MAGI1: variants seen among roughly 807,000 people sequenced by gnomAD.
MAGI1 encodes the protein membrane associated guanylate kinase, WW and PDZ domain containing 1.
A neutral mutation model predicts 139.9 loss-of-function variants in MAGI1; 58 were observed. The ratio of observed to expected loss-of-function variants is 0.41; its 90% CI spans 0.34 to 0.52. The LOEUF is 0.52. Among genes scored for constraint, MAGI1 ranks in the 20% least tolerant of loss-of-function variants. The pLI, the probability that MAGI1 is intolerant of heterozygous loss-of-function variation, is 0.12. For synonymous variants in MAGI1, 812 were observed against 737.9 expected, an observed-to-expected ratio of 1.10 and a Z score of -1.63; for missense variants, 1,874 against 1,901.6, an observed-to-expected ratio of 0.99 and a Z score of 0.27.
At position 65,583,912 on chromosome 3, in the gene MAGI1, A is replaced by G. The variant is rs554171656; in HGVS notation, c.430+38060T>C. ...GACTGTGACCTCTACTAGTCTTTCA[A>G]AGGTGAAACAGATCACAAGAATATG... is the stretch of plus-strand genomic sequence containing the variant. On this transcript the variant is annotated intron_variant, in intron 2 of 22. Transcript: ENST00000402939. 2.6e-5 allele frequency among the ~76,000 whole-genome samples: 4 copies of G among 152,216 alleles called. No individual in the cohort carries two copies. In the South Asian group the frequency reaches 8.3e-4, roughly 32 times the overall value.
At chr3:65,654,275 T>C (rs2085742072) in intron 1 of MAGI1, among the ~76,000 whole-genome samples, 2 of 152,214 alleles carry the variant, frequency 1.3e-5, no homozygotes, top group Admixed American at 1.3e-4. Flanking sequence ...TGTTGTCATT[T>C]GATGCTTTCA....
intron 1 of MAGI1, among the ~76,000 whole-genome samples, chr3:65,733,766 G>A (rs1298152755): frequency 6.6e-6 from 1 of 152,162 alleles, no homozygotes; most frequent in East Asian, 1.9e-4. Flanking sequence ...CAACCATCTA[G>A]GATATTTCTT....
At chr3:65,971,530 C>T (rs997654948) in intron 1 of MAGI1, among the ~76,000 whole-genome samples, 3 of 152,186 alleles carry the variant, frequency 2.0e-5, no homozygotes, top group African/African-American at 7.2e-5. Flanking sequence ...CAGCCAACAT[C>T]TTCTACTGTC....
chr3:65,573,535 T>C (rs1357842095), intron 2 of MAGI1, among the ~76,000 whole-genome samples: 1 of 149,460 alleles, frequency 6.7e-6, no homozygotes, highest in Non-Finnish European at 1.5e-5. Context: ...CATTTATTGC[T>C]GATTTAAAAA....
At chr3:65,678,205 A>G (rs1489398675) in intron 1 of MAGI1, among the ~76,000 whole-genome samples, 2 of 152,140 alleles carry the variant, frequency 1.3e-5, no homozygotes, top group African/African-American at 4.8e-5. Context: ...TAGCATTAGG[A>G]GAAATACCTA....
chr3:65,696,478 A>C (rs1302726532), intron 1 of MAGI1, among the ~76,000 whole-genome samples: 4 of 152,146 alleles, frequency 2.6e-5, no homozygotes, highest in Non-Finnish European at 5.9e-5. Context: ...GTTGATACAT[A>C]AGGAGTCCCC....
At chr3:65,430,233 G>A (rs1947352763) in intron 11 of MAGI1, 93 bp from the exon 12 acceptor site, 1 of 1,261,824 alleles carries the variant, frequency 7.9e-7, no homozygotes, top group African/African-American at 1.5e-5. Flanking sequence ...AAGCTGAACT[G>A]AAACTGCATG....
chr3:65,684,614 G>GA (rs1307322031), intron 1 of MAGI1, among the ~76,000 whole-genome samples: 1 of 152,022 alleles, frequency 6.6e-6, no homozygotes, highest in Non-Finnish European at 1.5e-5. Flanking sequence ...CTACATGGGT[G>GA]AAAAAATTGT....
rs1251728035 is a variant in MAGI1, at chr3:65,356,405, T to C, written c.4362A>G (p.Lys1454=). The C allele has an allele frequency of 6.2e-7, 1 of 1,602,460 alleles. No individual in the cohort carries two copies. Among genetic ancestry groups the C allele is most frequent in the Non-Finnish European group, 8.5e-7 (1 of 1,176,300 alleles). Residue 1454 remains lysine, a synonymous_variant, in exon 23 of 23, where the codon AAA becomes AAG. Transcript: ENST00000402939. The stretch of plus-strand genomic sequence containing the variant: ...AGATACTGAGGTCGGTGCTACATTC[T>C]TTGTAAGGTCGCCTTCTCTGCTCCG... The part of the protein sequence containing the change: ...HPPEQRRRPY[K]ECSTDLSI
intron 1 of MAGI1, among the ~76,000 whole-genome samples, chr3:65,921,300 T>G (rs1392133930): frequency 6.7e-6 from 1 of 149,538 alleles, no homozygotes; most frequent in Non-Finnish European, 1.5e-5. Context: ...ATTTTAGCAA[T>G]GACGTATAAT....
intron 1 of MAGI1, among the ~76,000 whole-genome samples, chr3:65,646,609 A>G (rs918639470): frequency 6.6e-6 from 1 of 152,132 alleles, no homozygotes; most frequent in Non-Finnish European, 1.5e-5. Flanking sequence ...ATTTTTTTCA[A>G]GTGCCCACAG....
chr3:65,849,867 C>T (rs1237126756), intron 1 of MAGI1, among the ~76,000 whole-genome samples: 2 of 152,136 alleles, frequency 1.3e-5, no homozygotes, highest in Non-Finnish European at 2.9e-5. Context: ...GTTTGGGAAT[C>T]TACAGAAATT....
At chr3:65,698,661 C>T (rs1484483070) in intron 1 of MAGI1, among the ~76,000 whole-genome samples, 1 of 151,850 alleles carries the variant, frequency 6.6e-6, no homozygotes, top group African/African-American at 2.4e-5. Context: ...GCTGGGAAAA[C>T]TGGCTAGCCA....
chr3:65,711,259 T>A (rs1014387947), intron 1 of MAGI1, among the ~76,000 whole-genome samples: 3 of 152,212 alleles, frequency 2.0e-5, no homozygotes, highest in Non-Finnish European at 2.9e-5. Context: ...TACTATGAAC[T>A]GTATTATACC....
intron 5 of MAGI1, among the ~76,000 whole-genome samples, chr3:65,461,388 TG>T (rs1401132646): frequency 1.3e-5 from 2 of 151,946 alleles, no homozygotes; most frequent in Non-Finnish European, 2.9e-5. Flanking sequence ...CCTAGTTTTT[TG>T]TATTTTTAGT....
chr3:65,695,326 T>C (rs1448008535), intron 1 of MAGI1, among the ~76,000 whole-genome samples: 3 of 152,166 alleles, frequency 2.0e-5, no homozygotes, highest in Non-Finnish European at 4.4e-5. Flanking sequence ...ATGTGGCCAA[T>C]CTTGTCCCAG....
At chr3:65,750,086 C>A (rs1451941579) in intron 1 of MAGI1, among the ~76,000 whole-genome samples, 1 of 152,118 alleles carries the variant, frequency 6.6e-6, no homozygotes, top group African/African-American at 2.4e-5. Flanking sequence ...CCTGAGGGTG[C>A]TGAGGCTGGG....
intron 13 of MAGI1, among the ~76,000 whole-genome samples, chr3:65,394,682 A>ATT (rs35105199): frequency 0.015 from 2,190 of 150,710 alleles, 53 homozygotes; most frequent in African/African-American, 0.05. Context: ...GTTCAAAGTA[A>ATT]TTTTTTTTTT....
chr3:65,856,162 T>C (rs547054043), intron 1 of MAGI1, among the ~76,000 whole-genome samples: 4 of 152,256 alleles, frequency 2.6e-5, no homozygotes, highest in Admixed American at 2.0e-4. Context: ...TCGATTTAAA[T>C]AGTCACATAT....
Sources: allele counts gnomAD v4.1 joint callset (sites outside exome capture counted in the v4.1 genomes callset), GRCh38; gene constraint gnomAD v4.1.1; transcripts MANE v1.5; gene names NCBI Gene and HGNC (gene_info 2026-07-23, HGNC 2026-07-21).